P2RX3: variants seen among roughly 807,000 people sequenced by gnomAD.
P2RX3 encodes purinergic receptor P2X 3.
Under a neutral mutation model 51.5 loss-of-function variants are expected in P2RX3, and 41 were observed. The observed-to-expected ratio is 0.80, with a 90% CI of 0.62 to 1.03. P2RX3 has a LOEUF of 1.03. P2RX3 is among the 50% of genes least tolerant of loss of function. The pLI, the probability that P2RX3 is intolerant of heterozygous loss-of-function variation, is 0.00. For synonymous variants in P2RX3, 185 were observed against 191.6 expected (o/e 0.97, Z 0.29); for missense variants, 459 against 522.1 (o/e 0.88, Z 1.18).
chr11:57,365,583 C>T (rs1287683196), intron 8 of P2RX3, among the ~76,000 whole-genome samples: 1 of 152,212 alleles, frequency 6.6e-6, no homozygotes, highest in Non-Finnish European at 1.5e-5. Context: ...ATCTCTAACA[C>T]AAGAATCTCA....
intron 8 of P2RX3, among the ~76,000 whole-genome samples, chr11:57,359,568 G>T (rs1476273814): frequency 1.3e-5 from 2 of 152,226 alleles, no homozygotes; most frequent in Non-Finnish European, 2.9e-5. Context: ...GCTGGCAGCT[G>T]TTCGGGCTCT....
chr11:57,347,564 A>C (rs1590626389), intron 4 of P2RX3, 86 bp downstream of exon 4: 7 of 1,390,904 alleles, frequency 5.0e-6, no homozygotes. Flanking sequence ...GGGAGTGGGA[A>C]CCAGCCTGTT....
At chr11:57,342,148 CTTTTTTTTTTTTTT>C (rs67011422) in intron 1 of P2RX3, among the ~76,000 whole-genome samples, 3 of 48,360 alleles carry the variant, frequency 6.2e-5, no homozygotes, top group Non-Finnish European at 1.0e-4. Flanking sequence ...GCTGCCCCAT[CTTTTTTTTTTTTTT>C]TTTTTTTTTT....
chr11:57,370,444 A>G lies in P2RX3; in HGVS notation c.*447A>G, dbSNP rs1261301655. Reference sequence around the variant, plus strand: ...GACTGAGTCATTTGCCCCAGGCCAGATAGCCAGGATGTGAGAGAGCTGGGA... The same window carrying G: ...GACTGAGTCATTTGCCCCAGGCCAGGTAGCCAGGATGTGAGAGAGCTGGGA... On this transcript the variant is annotated 3_prime_UTR_variant, in exon 12 of 12. Coordinates refer to ENST00000263314, the MANE Select transcript of P2RX3 (RefSeq NM_002559.5). 1 of 155,442 alleles carries G rather than the reference A, an allele frequency of 6.4e-6. No individual in the cohort carries two copies. The highest frequency in any genetic ancestry group is 1.4e-5 in the Non-Finnish European group (1 of 70,226). The allele number at this position is 155,442 out of a possible 1,614,324, so 9.6% of individuals were successfully genotyped here.
intron 1 of P2RX3, among the ~76,000 whole-genome samples, chr11:57,344,381 G>T (rs1856395149): frequency 6.6e-6 from 1 of 152,168 alleles, no homozygotes; most frequent in South Asian, 2.1e-4. Flanking sequence ...TGTGCCCCAT[G>T]AATACGTACA....
chr11:57,348,672 C>G lies in P2RX3; in HGVS notation c.531C>G (p.Asn177Lys). The change falls in exon 6 of 12, where the codon AAC (asparagine) becomes AAG (lysine). Residue 177 changes from asparagine to lysine, a missense_variant. By Grantham distance (94) the Asn-to-Lys change is moderately conservative (BLOSUM62 0). Coordinates refer to ENST00000263314, the MANE Select transcript of P2RX3 (RefSeq NM_002559.5). ...AGAACTTCACTATTTTCATCAAGAACAGCATCCGTTTCCCCCTCTTCAACT... is the reference window on the plus strand; with the variant it reads ...AGAACTTCACTATTTTCATCAAGAAGAGCATCCGTTTCCCCCTCTTCAACT... ...EAENFTIFIK[N>K]SIRFPLFNFE... 6.2e-7 allele frequency: 1 copy of G among 1,613,878 alleles called. No homozygotes were observed. Among genetic ancestry groups the G allele is most frequent in the Admixed American group, 1.7e-5 (1 of 60,010 alleles).
upstream of P2RX3, among the ~76,000 whole-genome samples, chr11:57,336,593 G>C (rs1856226326): frequency 6.6e-6 from 1 of 152,194 alleles, no homozygotes; most frequent in Non-Finnish European, 1.5e-5. Flanking sequence ...TGGGAAAACT[G>C]AGACCCAAAG....
upstream of P2RX3, among the ~76,000 whole-genome samples, chr11:57,337,160 C>G (rs1042034827): frequency 8.6e-5 from 13 of 151,640 alleles, no homozygotes; most frequent in African/African-American, 3.1e-4. Context: ...GGCGTGGTGG[C>G]GGGTGCCTAT....
chr11:57,351,452 C>G (rs985739545), intron 8 of P2RX3, among the ~76,000 whole-genome samples: 1 of 152,214 alleles, frequency 6.6e-6, no homozygotes, highest in Non-Finnish European at 1.5e-5. Flanking sequence ...AATATCATCC[C>G]AATGGCTTTG....
intron 8 of P2RX3, among the ~76,000 whole-genome samples, chr11:57,355,289 G>A (rs188184412): frequency 3.3e-5 from 5 of 151,614 alleles, no homozygotes; most frequent in South Asian, 2.1e-4. Context: ...TCATAGACAT[G>A]AGAAAATTCA....
chr11:57,366,903 A>AG (rs1294723947), intron 8 of P2RX3, among the ~76,000 whole-genome samples: 1 of 152,172 alleles, frequency 6.6e-6, no homozygotes, highest in African/African-American at 2.4e-5. Flanking sequence ...TCCATCCATG[A>AG]GGGCAGAGCC....
intron 8 of P2RX3, among the ~76,000 whole-genome samples, chr11:57,363,073 A>G (rs947114517): frequency 1.3e-5 from 2 of 152,142 alleles, no homozygotes; most frequent in South Asian, 2.1e-4. Flanking sequence ...TTGAAGTAAA[A>G]AGCTCAGAGA....
intron 8 of P2RX3, among the ~76,000 whole-genome samples, chr11:57,365,258 A>T (rs993639950): frequency 6.6e-6 from 1 of 152,218 alleles, no homozygotes; most frequent in Non-Finnish European, 1.5e-5. Context: ...ACAAAGGTGC[A>T]TTCCAGGTAA....
intron 8 of P2RX3, among the ~76,000 whole-genome samples, chr11:57,352,839 G>C (rs1258004296): frequency 2.0e-5 from 3 of 152,158 alleles, no homozygotes; most frequent in Non-Finnish European, 4.4e-5. Flanking sequence ...AGGCCTAAGA[G>C]AAACCACCCC....
upstream of P2RX3, among the ~76,000 whole-genome samples, chr11:57,337,329 A>AGG (rs1554965265): frequency 1.6e-4 from 12 of 77,308 alleles, no homozygotes; most frequent in Admixed American, 4.9e-4. Context: ...AAGAAAAAAA[A>AGG]AAGGAAGGGA....
upstream of P2RX3, among the ~76,000 whole-genome samples, chr11:57,337,350 G>GAAAAAAAAAAAAAAAAAAAA (rs11339711): frequency 6.8e-5 from 5 of 73,490 alleles, no homozygotes; most frequent in Non-Finnish European, 7.6e-5. Flanking sequence ...AGGAAAGAAA[G>GAAAAAAAAAAAAAAAAAAAA]AAAAAAAAAA....
intron 4 of P2RX3, 25 bp downstream of exon 4, chr11:57,347,503 C>T (rs1312515656): frequency 1.9e-6 from 3 of 1,551,586 alleles, no homozygotes; most frequent in Non-Finnish European, 2.6e-6. Context: ...TTACCCACCC[C>T]ACAATCCCAA....
At chr11:57,345,739 T>G (rs929907873) in intron 1 of P2RX3, among the ~76,000 whole-genome samples, 7 of 152,016 alleles carry the variant, frequency 4.6e-5, no homozygotes, top group African/African-American at 1.7e-4. Flanking sequence ...AAGATAGGGA[T>G]GGAAAAAGGG....
Position 57,370,363 on chromosome 11 carries a change from T to G in P2RX3, c.*366T>G, listed in dbSNP as rs1009086666. The G allele has an allele frequency of 5.4e-6, 1 of 184,452 alleles. No homozygotes were observed. The highest frequency in any genetic ancestry group is 1.5e-4 in the East Asian group (1 of 6,722). The allele number at this position is 184,452 out of a possible 1,614,324, so 11.4% of individuals were successfully genotyped here. ...TTATCTCATTTAATCCTTAGAATAA[T>G]CCTATGAGGTAGATATTAGTTTCCC... On this transcript the variant is annotated 3_prime_UTR_variant, in exon 12 of 12. Coordinates refer to ENST00000263314, the MANE Select transcript of P2RX3 (RefSeq NM_002559.5).
Sources: gnomAD v4.1 joint callset for allele counts (sites outside exome capture counted in the v4.1 genomes callset) on GRCh38, gnomAD v4.1.1 for gene constraint, MANE v1.5 for transcripts, NCBI Gene and HGNC (gene_info 2026-07-23, HGNC 2026-07-21) for gene names.